The following TMEM150A variants were observed in gnomAD, a reference collection of about 807,000 sequenced individuals.
TMEM150A encodes fasting-inducible integral membrane protein TM6P1.
Under a neutral mutation model 29.8 loss-of-function variants are expected in TMEM150A, and 18 were observed. The observed-to-expected ratio is 0.60, with a 90% CI of 0.42 to 0.90. The LOEUF is 0.90. Ranked by LOEUF, TMEM150A falls within the 40% of genes least tolerant of loss-of-function variation. TMEM150A has a pLI of 0.00. For synonymous variants in TMEM150A, 127 were observed against 143.6 expected (o/e 0.88, Z 0.83); for missense variants, 251 against 349.7 (o/e 0.72, Z 2.25).
At position 85,600,413 on chromosome 2, in the gene TMEM150A, C is replaced by T. The variant is rs779424124; in HGVS notation, c.201-1G>A. ...TTCTGGGGGATAGGAGCCACACTTG[C>T]TGCGAGGAGGGGGAAGGACAGAGTA... On this transcript the variant is annotated splice_acceptor_variant, in intron 4 of 7. Coordinates refer to ENST00000334462, the MANE Select transcript of TMEM150A (RefSeq NM_001031738.3). LOFTEE classifies it high-confidence loss of function. 2 of 1,613,890 alleles carry T rather than the reference C, an allele frequency of 1.2e-6. No individual in the cohort carries two copies. The highest frequency in any genetic ancestry group is 1.7e-5 in the Admixed American group (1 of 60,016).
Position 85,598,930 on chromosome 2 carries a change from G to T in TMEM150A, c.*146C>A. 8.4e-7 allele frequency: 1 copy of T among 1,195,734 alleles called. No homozygotes were observed. The highest frequency in any genetic ancestry group is 1.1e-6 in the Non-Finnish European group (1 of 872,524). 74.1% of individuals were successfully genotyped at this position (1,195,734 alleles called of 1,614,324 possible). On this transcript the variant is annotated 3_prime_UTR_variant, in exon 8 of 8. Transcript: ENST00000334462. ...GGGCCCACTCCTCCATGGCACAGGT[G>T]GGCATGGGATGGCCACTTCTCCAGA...
In TMEM150A at chr2:85,601,862, C is replaced by T. The variant is rs1407156810; in HGVS notation, c.65+22G>A. 4.3e-6 allele frequency: 7 copies of T among 1,613,118 alleles called. No homozygotes were observed. The East Asian group carries it at 1.1e-4, about 26-fold the overall frequency. On this transcript the variant is annotated intron_variant, in intron 2 of 7. Coordinates refer to ENST00000334462, the MANE Select transcript of TMEM150A (RefSeq NM_001031738.3). This position sits in a 1 kb window ranked among gnomAD's most constrained non-coding sequence, Gnocchi z 4.0. ...TGCGTCATCAAGCTCCTGTTGCCCC[C>T]CGGGCACCCCCCTTTACTCACACAG... is the stretch of plus-strand genomic sequence containing the variant.
chr2:85,599,923 C>CTT lies in TMEM150A; in HGVS notation c.363_364insAA (p.Ala122LysfsTer150). On this transcript the variant is annotated frameshift_variant, in exon 6 of 8. Transcript: ENST00000334462. LOFTEE classifies it high-confidence loss of function. The surrounding 1 kb of genome is among the most constrained non-coding windows in gnomAD (Gnocchi z 6.0). ...TTGCCAACCACCAAGAGGCCCGCAG[C>CTT]GTTGGTGCAGCCTGTGATGAGTGCC... 6.2e-7 allele frequency: 1 copy of CTT among 1,613,458 alleles called. No homozygotes were observed. The highest frequency in any genetic ancestry group is 8.5e-7 in the Non-Finnish European group (1 of 1,180,024).
chr2:85,601,220 A>T lies in TMEM150A; in HGVS notation c.114-113T>A. 8.0e-7 allele frequency: 1 copy of T among 1,249,984 alleles called. No homozygotes were observed. Among genetic ancestry groups the T allele is most frequent in the Non-Finnish European group, 1.2e-6 (1 of 866,030 alleles). The allele number at this position is 1,249,984 out of a possible 1,614,324, so 77.4% of individuals were successfully genotyped here. A position where few individuals can be genotyped will look rare whatever the true frequency, so the allele number is the denominator to read the frequency against. On this transcript the variant is annotated intron_variant, in intron 3 of 7. Coordinates refer to ENST00000334462, the MANE Select transcript of TMEM150A (RefSeq NM_001031738.3). This position sits in a 1 kb window ranked among gnomAD's most constrained non-coding sequence, Gnocchi z 4.0. ...CCCAGACCTCCCCTACAGGGACAGA[A>T]GATCCCACTCCCCAGTGCCCGCCTG...
In TMEM150A at chr2:85,600,348, T is replaced by G; in HGVS notation, c.265A>C (p.Met89Leu). The G allele has an allele frequency of 6.2e-7, 1 of 1,613,902 alleles. No homozygotes were observed. The highest frequency in any genetic ancestry group is 8.5e-7 in the Non-Finnish European group (1 of 1,179,962). ...FSLIGNMGAF[M>L]VALICLLRYG... ...CAGGGCTAAGGGTACAACTCACCCA[T>G]GAAAGCACCCATGTTGCCAATGAGG... The change falls in exon 5 of 8, where the codon ATG (methionine) becomes CTG (leucine). Residue 89 changes from methionine to leucine, a missense_variant. By Grantham distance (15) the Met-to-Leu change is conservative. Transcript: ENST00000334462.
intron 4 of TMEM150A, 62 bp from the exon 5 acceptor site, chr2:85,600,474 G>A (rs1672872158): frequency 8.2e-7 from 1 of 1,212,430 alleles, no homozygotes; most frequent in Admixed American, 1.7e-5. Flanking sequence ...CCCCCATTTT[G>A]GCTCACTGGC....
chr2:85,601,302 A>G lies in TMEM150A; in HGVS notation c.113+133T>C. On this transcript the variant is annotated intron_variant, in intron 3 of 7. Transcript: ENST00000334462. The surrounding 1 kb of genome is among the most constrained non-coding windows in gnomAD (Gnocchi z 4.0). ...GGAAGTGGGTAGGTGGCAAGAAGCC[A>G]TGCCTGGGGACCAATTTCAGAGAAG... 2 of 1,298,482 alleles carry G rather than the reference A, an allele frequency of 1.5e-6. No individual in the cohort carries two copies. Among genetic ancestry groups the G allele is most frequent in the Non-Finnish European group, 2.2e-6 (2 of 893,642 alleles). The allele number at this position is 1,298,482 out of a possible 1,614,324, so 80.4% of individuals were successfully genotyped here.
chr2:85,600,641 C>T, intron 4 of TMEM150A: 1 of 576,320 alleles, frequency 1.7e-6, no homozygotes, highest in South Asian at 2.1e-5. Flanking sequence ...GTTCGGGCAA[C>T]CCTGACACTC....
Position 85,599,437 on chromosome 2 carries a change from GT to G in TMEM150A, c.574+87del. ...TGTTAGTCCTCTCCCCCACATGGCAGTGTTAGGCCTCCACCCCCCATCCTCT... is the reference window on the plus strand; with the variant it reads ...TGTTAGTCCTCTCCCCCACATGGCAGGTTAGGCCTCCACCCCCCATCCTCT... On this transcript the variant is annotated intron_variant, in intron 7 of 7. Transcript: ENST00000334462. This position sits in a 1 kb window ranked among gnomAD's most constrained non-coding sequence, Gnocchi z 6.0. 1 of 1,566,948 alleles carries G rather than the reference GT, an allele frequency of 6.4e-7. No homozygotes were observed. Among genetic ancestry groups the G allele is most frequent in the Non-Finnish European group, 8.6e-7 (1 of 1,156,572 alleles).
chr2:85,598,842 C>T lies in TMEM150A; in HGVS notation c.*234G>A, dbSNP rs920314239. Reference sequence around the variant, plus strand: ...TGGCTGGGTGAGTGAGGACAGGTGACCTTTAAAAACAAAACGACACCGTGG... The same window carrying T: ...TGGCTGGGTGAGTGAGGACAGGTGATCTTTAAAAACAAAACGACACCGTGG... On this transcript the variant is annotated 3_prime_UTR_variant, in exon 8 of 8. Coordinates refer to ENST00000334462, the MANE Select transcript of TMEM150A (RefSeq NM_001031738.3). 3.5e-6 allele frequency: 2 copies of T among 572,020 alleles called. No individual in the cohort carries two copies. The highest frequency in any genetic ancestry group is 6.0e-6 in the Non-Finnish European group (2 of 332,122). 35.4% of individuals were successfully genotyped at this position (572,020 alleles called of 1,614,324 possible).
intron 4 of TMEM150A, 80 bp from the exon 5 acceptor site, chr2:85,600,492 T>C: frequency 1.0e-6 from 1 of 970,764 alleles, no homozygotes; most frequent in Non-Finnish European, 1.7e-6. Flanking sequence ...GGCTCTCCCC[T>C]GCTTTACCTG....
At position 85,598,996 on chromosome 2, in the gene TMEM150A, T is replaced by A; in HGVS notation, c.*80A>T. The A allele has an allele frequency of 2.6e-6, 4 of 1,557,460 alleles. No homozygotes were observed. The East Asian group carries it at 9.1e-5, about 35-fold the overall frequency. ...ATCCCAACAGAATACTTTCTCAAAA[T>A]TGTTTTTGGTACGAAATAAATGGAA... On this transcript the variant is annotated 3_prime_UTR_variant, in exon 8 of 8. Transcript: ENST00000334462.
In TMEM150A at chr2:85,599,150, C is replaced by T; in HGVS notation, c.742G>A (p.Ala248Thr). ...CTGCTGCTCCCGGAGGACTTGCAGG[C>T]CCGGCCAGGGGTAGGCTGCAGTGCA... ...VAALQPTPGR[A>T]CKSSGSSSTS... is the part of the protein sequence containing the mutation. Residue 248 changes from alanine to threonine, a missense_variant, in exon 8 of 8, where the codon GCC (alanine) becomes ACC (threonine). Ala to Thr is a moderately conservative substitution (Grantham distance 58, BLOSUM62 0). Coordinates refer to ENST00000334462, the MANE Select transcript of TMEM150A (RefSeq NM_001031738.3). This position sits in a 1 kb window ranked among gnomAD's most constrained non-coding sequence, Gnocchi z 6.0. 1 of 1,613,658 alleles carries T rather than the reference C, an allele frequency of 6.2e-7. No individual in the cohort carries two copies. Among genetic ancestry groups the T allele is most frequent in the Non-Finnish European group, 8.5e-7 (1 of 1,179,980 alleles).
Position 85,601,683 on chromosome 2 carries a change from G to A in TMEM150A, c.65+201C>T, listed in dbSNP as rs935297718. 2 of 859,040 alleles carry A rather than the reference G, an allele frequency of 2.3e-6. No homozygotes were observed. The highest frequency in any genetic ancestry group is 3.4e-5 in the African/African-American group (2 of 59,076). The allele number at this position is 859,040 out of a possible 1,614,324, so 53.2% of individuals were successfully genotyped here. A position where few individuals can be genotyped will look rare whatever the true frequency, so the allele number is the denominator to read the frequency against. ...CTACAGGCCCTCTGGAAATTGCCCT[G>A]GCTAGAAGTATATTTGTCAGGGCCA... On this transcript the variant is annotated intron_variant, in intron 2 of 7. Transcript: ENST00000334462. The surrounding 1 kb of genome is among the most constrained non-coding windows in gnomAD (Gnocchi z 4.0).
Position 85,599,122 on chromosome 2 carries a change from G to A in TMEM150A, c.770C>T (p.Thr257Ile), listed in dbSNP as rs1672779845. The change falls in exon 8 of 8, where the codon ACC becomes ATC. Residue 257 changes from threonine to isoleucine, a missense_variant. Physicochemically the swap from Thr to Ile is moderately conservative, Grantham distance 89. Coordinates refer to ENST00000334462, the MANE Select transcript of TMEM150A (RefSeq NM_001031738.3). The surrounding 1 kb of genome is among the most constrained non-coding windows in gnomAD (Gnocchi z 6.0). Reference sequence around the variant, plus strand: ...GGGGGCACAGTTGAGGTGGGTGGAGGTGCTGCTGCTCCCGGAGGACTTGCA... The same window carrying A: ...GGGGGCACAGTTGAGGTGGGTGGAGATGCTGCTGCTCCCGGAGGACTTGCA... ...RACKSSGSSS[T>I]STHLNCAPES... 8.1e-6 allele frequency: 13 copies of A among 1,613,734 alleles called. No homozygotes were observed. The highest frequency in any genetic ancestry group is 1.7e-5 in the Admixed American group (1 of 59,996).
At position 85,601,690 on chromosome 2, in the gene TMEM150A, A is replaced by G; in HGVS notation, c.65+194T>C. On this transcript the variant is annotated intron_variant, in intron 2 of 7. Transcript: ENST00000334462. This position sits in a 1 kb window ranked among gnomAD's most constrained non-coding sequence, Gnocchi z 4.0. ...CCCTCTGGAAATTGCCCTGGCTAGA[A>G]GTATATTTGTCAGGGCCACCCTGCT... 1 of 864,012 alleles carries G rather than the reference A, an allele frequency of 1.2e-6. No homozygotes were observed. Among genetic ancestry groups the G allele is most frequent in the Admixed American group, 2.3e-5 (1 of 44,156 alleles). The allele number at this position is 864,012 out of a possible 1,614,324, so 53.5% of individuals were successfully genotyped here.
Position 85,599,397 on chromosome 2 carries a change from C to T in TMEM150A, c.575-80G>A. On this transcript the variant is annotated intron_variant, in intron 7 of 7. Transcript: ENST00000334462. The surrounding 1 kb of genome is among the most constrained non-coding windows in gnomAD (Gnocchi z 6.0). ...CCTTCTGCAGTCTCAGGCCTCACCT[C>T]TCCAAAGGGAGAGGTGTTAGTCCTC... The T allele has an allele frequency of 1.3e-6, 2 of 1,587,408 alleles. No homozygotes were observed. The highest frequency in any genetic ancestry group is 1.7e-5 in the Admixed American group (1 of 57,660).
At position 85,601,545 on chromosome 2, in the gene TMEM150A, C is replaced by T; in HGVS notation, c.66-63G>A. The T allele has an allele frequency of 6.4e-7, 1 of 1,564,574 alleles. No individual in the cohort carries two copies. The highest frequency in any genetic ancestry group is 1.3e-5 in the African/African-American group (1 of 74,140). Reference sequence around the variant, plus strand: ...AGCCCCACTCAACCCACCCCATGACCCTTCTCTTCAACCTTGATTTCTGGC... The same window carrying T: ...AGCCCCACTCAACCCACCCCATGACTCTTCTCTTCAACCTTGATTTCTGGC... On this transcript the variant is annotated intron_variant, in intron 2 of 7. Coordinates refer to ENST00000334462, the MANE Select transcript of TMEM150A (RefSeq NM_001031738.3). This position sits in a 1 kb window ranked among gnomAD's most constrained non-coding sequence, Gnocchi z 4.0.
rs1252310964 is a variant in TMEM150A at position 85,600,425 on chromosome 2, G to T, written c.201-13C>A. On this transcript the variant is annotated splice_polypyrimidine_tract_variant and intron_variant, in intron 4 of 7. Coordinates refer to ENST00000334462, the MANE Select transcript of TMEM150A (RefSeq NM_001031738.3). ...GGAGCCACACTTGCTGCGAGGAGGG[G>T]GAAGGACAGAGTAAGAGGGGTGCAG... is the stretch of plus-strand genomic sequence containing the variant. 1 of 1,613,824 alleles carries T rather than the reference G, an allele frequency of 6.2e-7. No individual in the cohort carries two copies. Among genetic ancestry groups the T allele is most frequent in the South Asian group, 1.1e-5 (1 of 91,078 alleles).
Sources: gnomAD v4.1 joint callset for allele counts on GRCh38, gnomAD v4.1.1 for gene constraint, Gnocchi (gnomAD v3.1) non-coding constraint, MANE v1.5 for transcripts, NCBI Gene and HGNC (gene_info 2026-07-23, HGNC 2026-07-21) for gene names.